The following CDH10 variants were observed in gnomAD, a reference collection of about 807,000 sequenced individuals.
CDH10 encodes cadherin 10.
In CDH10, 30 loss-of-function variants were observed where a neutral mutation model predicts 73.1. The ratio of observed to expected loss-of-function variants is 0.41; its 90% CI spans 0.31 to 0.56. CDH10 has a LOEUF of 0.56. CDH10 is among the 20% of genes least tolerant of loss of function. The pLI, the probability that CDH10 is intolerant of heterozygous loss-of-function variation, is 0.27. For missense variants in CDH10, 815 were observed against 973.7 expected, an observed-to-expected ratio of 0.84 and a Z score of 2.17; for synonymous variants, 345 against 348.2, an observed-to-expected ratio of 0.99 and a Z score of 0.10.
intron 1 of CDH10, among the ~76,000 whole-genome samples, chr5:24,605,356 GAGGGAGGGGGGATTAGCTTCTCAT>G (rs1349086395): frequency 5.3e-5 from 8 of 152,208 alleles, no homozygotes; most frequent in Non-Finnish European, 1.2e-4. Context: ...ATCAGCAGTA[GAGGGAGGGGGGATTAGCTTCTCAT>G]AGGAGTAGGA....
chr5:24,527,025 T>C (rs1472993462), intron 5 of CDH10, among the ~76,000 whole-genome samples: 1 of 151,636 alleles, frequency 6.6e-6, no homozygotes, highest in African/African-American at 2.4e-5. Context: ...TTCTTATTCA[T>C]TTTAGAAGTA....
At position 24,532,158 on chromosome 5, in the gene CDH10, A is replaced by T. The variant is rs143091168; in HGVS notation, c.814+2954T>A. On this transcript the variant is annotated intron_variant, in intron 5 of 11. Coordinates refer to ENST00000264463, the MANE Select transcript of CDH10 (RefSeq NM_006727.5). ...CATTTGTCTCTGTCTCCTCCAAATG[A>T]CTGAGATTGTTGATACAGCATACAG... is the stretch of plus-strand genomic sequence containing the variant. 3.1e-3 allele frequency among the ~76,000 whole-genome samples: 479 copies of T among 152,188 alleles called. 4 individuals are homozygous for T. The highest frequency in any genetic ancestry group is 0.011 in the African/African-American group (452 of 41,532).
chr5:24,512,196 T>G (rs1027007181), intron 5 of CDH10, among the ~76,000 whole-genome samples: 2 of 152,168 alleles, frequency 1.3e-5, no homozygotes, highest in East Asian at 1.9e-4. Flanking sequence ...TTTTATCTTT[T>G]GAGATGGGTG....
intron 2 of CDH10, among the ~76,000 whole-genome samples, chr5:24,572,625 AG>A (rs112805737): frequency 0.072 from 10,918 of 152,146 alleles, 729 homozygotes; most frequent in East Asian, 0.16. Flanking sequence ...CAGTTCTGGC[AG>A]AAAAATAGCA....
chr5:24,599,723 T>C (rs377028613), intron 1 of CDH10, among the ~76,000 whole-genome samples: 2 of 152,098 alleles, frequency 1.3e-5, no homozygotes, highest in African/African-American at 4.8e-5. Context: ...CTTAAATGCA[T>C]AAATATAGAT....
rs70965616 is a variant in CDH10 at position 24,563,597 on chromosome 5, CAA to C, written c.232-25925_232-25924del. Among the ~76,000 whole-genome samples the C allele has an allele frequency of 3.3e-3, 293 of 88,724 alleles. 2 individuals carry two copies. The highest frequency in any genetic ancestry group is 0.011 in the African/African-American group (258 of 22,556). The allele number at this position is 88,724 out of a possible 152,430, so 58.2% of individuals were successfully genotyped here. A position where few individuals can be genotyped will look rare whatever the true frequency, so the allele number is the denominator to read the frequency against. On this transcript the variant is annotated intron_variant, in intron 2 of 11. Coordinates refer to ENST00000264463, the MANE Select transcript of CDH10 (RefSeq NM_006727.5). Reference sequence around the variant, plus strand: ...TGAAACCCCGTCTCTACTAAAAATACAAAAAAAAAAAAAAAAAAAATTAGCCG... The same window carrying C: ...TGAAACCCCGTCTCTACTAAAAATACAAAAAAAAAAAAAAAAAATTAGCCG...
chr5:24,570,971 T>C (rs1249061405), intron 2 of CDH10, among the ~76,000 whole-genome samples: 2 of 152,168 alleles, frequency 1.3e-5, no homozygotes, highest in African/African-American at 4.8e-5. Context: ...CCTATTTTAA[T>C]AAAGACTTGT....
rs149766761 is a variant in CDH10 at position 24,579,537 on chromosome 5, A to T, written c.231+13723T>A. Among the ~76,000 whole-genome samples the T allele has an allele frequency of 1.6e-3, 238 of 152,220 alleles. 1 individual carries two copies. Among genetic ancestry groups the T allele is most frequent in the African/African-American group, 5.2e-3 (217 of 41,550 alleles). Reference sequence around the variant, plus strand: ...GCCCTTTTAAATCCACTGCAAAAAGAATGCTGGACTCACTACATCATGAAA... The same window carrying T: ...GCCCTTTTAAATCCACTGCAAAAAGTATGCTGGACTCACTACATCATGAAA... On this transcript the variant is annotated intron_variant, in intron 2 of 11. Transcript: ENST00000264463.
At chr5:24,521,587 G>A (rs1208239769) in intron 5 of CDH10, among the ~76,000 whole-genome samples, 1 of 151,766 alleles carries the variant, frequency 6.6e-6, no homozygotes, top group African/African-American at 2.4e-5. Context: ...ACTCGAGCCT[G>A]GGCAACAAGA....
At chr5:24,496,713 C>T (rs1289988662) in intron 9 of CDH10, among the ~76,000 whole-genome samples, 4 of 152,148 alleles carry the variant, frequency 2.6e-5, no homozygotes, top group Non-Finnish European at 5.9e-5. Context: ...GGAACCCTGA[C>T]ATTCTTCTGC....
At chr5:24,561,415 GAC>G (rs1398414210) in intron 2 of CDH10, among the ~76,000 whole-genome samples, 7 of 152,186 alleles carry the variant, frequency 4.6e-5, no homozygotes, top group Admixed American at 2.0e-4. Context: ...AGAGGCAAAA[GAC>G]AATACTGTAT....
intron 2 of CDH10, among the ~76,000 whole-genome samples, chr5:24,589,890 A>G (rs1746142315): frequency 6.6e-6 from 1 of 152,118 alleles, no homozygotes; most frequent in Admixed American, 6.6e-5. Flanking sequence ...AGAAGGTTTC[A>G]CTACGGAGGT....
intron 11 of CDH10, among the ~76,000 whole-genome samples, chr5:24,488,577 A>G (rs1466886008): frequency 6.6e-6 from 1 of 152,200 alleles, no homozygotes; most frequent in Non-Finnish European, 1.5e-5. Context: ...CACGATGCTT[A>G]CTTTTTTCAA....
intron 5 of CDH10, among the ~76,000 whole-genome samples, chr5:24,512,623 C>T (rs1417895442): frequency 6.6e-6 from 1 of 152,150 alleles, no homozygotes; most frequent in Non-Finnish European, 1.5e-5. Flanking sequence ...ACAAACTCCC[C>T]TTCATTCCAG....
At chr5:24,640,855 A>G (rs893796368) in intron 1 of CDH10, among the ~76,000 whole-genome samples, 4 of 152,018 alleles carry the variant, frequency 2.6e-5, no homozygotes, top group Non-Finnish European at 4.4e-5. Context: ...AGATAAAAAT[A>G]TAAAGAAACT....
chr5:24,567,858 T>C (rs998254750), intron 2 of CDH10, among the ~76,000 whole-genome samples: 2 of 152,142 alleles, frequency 1.3e-5, no homozygotes, highest in Admixed American at 6.5e-5. Flanking sequence ...AAATAAGTAG[T>C]ATCCCTTCTT....
At chr5:24,600,917 T>G (rs976911449) in intron 1 of CDH10, among the ~76,000 whole-genome samples, 1 of 152,080 alleles carries the variant, frequency 6.6e-6, no homozygotes, top group Non-Finnish European at 1.5e-5. Context: ...TAGCCACAAT[T>G]TTTTCTACTG....
At chr5:24,626,635 C>G (rs1427798616) in intron 1 of CDH10, among the ~76,000 whole-genome samples, 1 of 151,744 alleles carries the variant, frequency 6.6e-6, no homozygotes, top group Non-Finnish European at 1.5e-5. Flanking sequence ...ATCTAGCTGG[C>G]TGTACTGGCA....
At chr5:24,550,072 C>A (rs1435045650) in intron 2 of CDH10, among the ~76,000 whole-genome samples, 1 of 151,844 alleles carries the variant, frequency 6.6e-6, no homozygotes, top group African/African-American at 2.4e-5. Flanking sequence ...TGAAGAATAC[C>A]AGAACAGCAA....
Sources: gnomAD v4.1 joint callset for allele counts (sites outside exome capture counted in the v4.1 genomes callset) on GRCh38, gnomAD v4.1.1 for gene constraint, MANE v1.5 for transcripts, NCBI Gene and HGNC (gene_info 2026-07-23, HGNC 2026-07-21) for gene names.